HIVEP2: variants seen among roughly 807,000 people sequenced by gnomAD.
The protein encoded by HIVEP2 is HIVEP zinc finger 2, also known as transcription factor HIVEP2.
HIVEP2 carries 14 observed loss-of-function variants against 180.7 expected under a neutral mutation model. The observed-to-expected ratio is 0.08, with a 90% CI of 0.05 to 0.12. HIVEP2 has a LOEUF of 0.12. Ranked by LOEUF, HIVEP2 falls within the 10% of genes least tolerant of loss-of-function variation. HIVEP2 has a pLI of 1.00. For synonymous variants in HIVEP2, 1,184 were observed against 1,136.4 expected (o/e 1.04, Z -0.84); for missense variants, 2,579 against 3,008.5 (o/e 0.86, Z 3.34).
At chr6:142,940,543 T>C (rs1369681193) in intron 1 of HIVEP2, among the ~76,000 whole-genome samples, 1 of 152,218 alleles carries the variant, frequency 6.6e-6, no homozygotes, top group East Asian at 1.9e-4. Flanking sequence ...TCCTCACATA[T>C]GTCAGGTTGG....
chr6:142,926,731 C>A (rs1777820092), intron 1 of HIVEP2, among the ~76,000 whole-genome samples: 1 of 152,180 alleles, frequency 6.6e-6, no homozygotes, highest in Non-Finnish European at 1.5e-5. Context: ...TCCCCCGACA[C>A]GCTGGGGCCA....
At chr6:142,763,732 T>C (rs567296673) in intron 7 of HIVEP2, among the ~76,000 whole-genome samples, 1 of 152,340 alleles carries the variant, frequency 6.6e-6, no homozygotes, top group Non-Finnish European at 1.5e-5. Context: ...AAGGCTTGAT[T>C]GTGCAGAGGT....
intron 1 of HIVEP2, among the ~76,000 whole-genome samples, chr6:142,916,950 T>A (rs1477159506): frequency 2.0e-5 from 3 of 152,240 alleles, no homozygotes; most frequent in Non-Finnish European, 1.5e-5. Context: ...ATACATACAG[T>A]ATTTAATTTT....
At chr6:142,797,948 CTT>C (rs1267292985) in intron 2 of HIVEP2, among the ~76,000 whole-genome samples, 4 of 151,930 alleles carry the variant, frequency 2.6e-5, no homozygotes, top group Non-Finnish European at 5.9e-5. Context: ...TTGCCAGAAA[CTT>C]AGTGATTTTA....
intron 2 of HIVEP2, among the ~76,000 whole-genome samples, chr6:142,830,283 G>C (rs1775042777): frequency 6.6e-6 from 1 of 152,106 alleles, no homozygotes. Context: ...AAGTGCATGT[G>C]TTTGCGCGTT....
At chr6:142,794,664 C>T (rs1776238686) in intron 2 of HIVEP2, among the ~76,000 whole-genome samples, 1 of 152,152 alleles carries the variant, frequency 6.6e-6, no homozygotes, top group Admixed American at 6.5e-5. Context: ...CAGCAGCAGA[C>T]AAGGCAAATG....
chr6:142,857,009 G>A (rs12194370), intron 1 of HIVEP2, among the ~76,000 whole-genome samples: 20,618 of 152,154 alleles, frequency 0.14, 1,784 homozygotes, highest in Non-Finnish European at 0.2. Context: ...TGCCCAAATG[G>A]TCTCCTCTGT....
chr6:142,803,847 TCA>T (rs938630174), intron 2 of HIVEP2, among the ~76,000 whole-genome samples: 11 of 152,080 alleles, frequency 7.2e-5, no homozygotes, highest in Admixed American at 7.2e-4. Flanking sequence ...CATCACTCCT[TCA>T]CACACCCCTG....
chr6:142,865,395 A>T (rs1293423861), intron 1 of HIVEP2, among the ~76,000 whole-genome samples: 1 of 152,016 alleles, frequency 6.6e-6, no homozygotes, highest in African/African-American at 2.4e-5. Flanking sequence ...AAGACACATT[A>T]GGGTTATGCT....
At chr6:142,915,692 C>T (rs1021895523) in intron 1 of HIVEP2, among the ~76,000 whole-genome samples, 1 of 152,048 alleles carries the variant, frequency 6.6e-6, no homozygotes, top group African/African-American at 2.4e-5. Context: ...TTGAATCAGG[C>T]CTGTAAAAGT....
intron 1 of HIVEP2, among the ~76,000 whole-genome samples, chr6:142,895,737 T>C (rs917722261): frequency 2.4e-4 from 36 of 152,220 alleles, no homozygotes; most frequent in African/African-American, 8.7e-4. Context: ...CACTGTATTA[T>C]TTATTTCAAT....
chr6:142,818,624 GC>G (rs1439547621), intron 2 of HIVEP2, among the ~76,000 whole-genome samples: 1 of 149,170 alleles, frequency 6.7e-6, no homozygotes, highest in Non-Finnish European at 1.5e-5. Context: ...AGTCAAGATT[GC>G]ACAACTGCAT....
At position 142,773,156 on chromosome 6, in the gene HIVEP2, G is replaced by A. The variant is rs193196172; in HGVS notation, c.1583C>T (p.Pro528Leu). Reference protein sequence around the residue: ...LYPANFQGSNPVLLEAPVDSS... With the variant: ...LYPANFQGSNLVLLEAPVDSS... ...GTCTACAGGAGCTTCTAAGAGAACC[G>A]GGTTGCTGCCTTGGAAGTTTGCTGG... Residue 528 changes from proline (P) to leucine (L), a missense_variant, in exon 5 of 10, where the codon CCG (proline) becomes CTG (leucine). Pro to Leu is a moderately conservative substitution (Grantham distance 98). Around this residue, in one of 11 missense-constraint regions of HIVEP2, gnomAD observed 524 missense variants for 563.6 expected, o/e 0.93. Coordinates refer to ENST00000367603, the MANE Select transcript of HIVEP2 (RefSeq NM_006734.4). The A allele has an allele frequency of 5.2e-5, 84 of 1,614,182 alleles. No homozygotes were observed. Among genetic ancestry groups the A allele is most frequent in the Admixed American group, 4.3e-4 (26 of 60,022 alleles).
At chr6:142,822,394 A>G (rs897724211) in intron 2 of HIVEP2, among the ~76,000 whole-genome samples, 4 of 152,370 alleles carry the variant, frequency 2.6e-5, no homozygotes, top group Non-Finnish European at 5.9e-5. Flanking sequence ...GATATAGTGC[A>G]GGTCTAATAT....
intron 1 of HIVEP2, among the ~76,000 whole-genome samples, chr6:142,846,016 C>T (rs974299613): frequency 5.9e-5 from 9 of 152,246 alleles, no homozygotes; most frequent in African/African-American, 1.9e-4. Flanking sequence ...CAGGACATCC[C>T]TCCTGGCATC....
At chr6:142,889,083 T>TATACTTA (rs1472540722) in intron 1 of HIVEP2, among the ~76,000 whole-genome samples, 12 of 152,206 alleles carry the variant, frequency 7.9e-5, no homozygotes, top group Non-Finnish European at 1.0e-4. Flanking sequence ...GAGACTATGT[T>TATACTTA]ATACTTATTA....
chr6:142,864,584 A>G (rs1776088937), intron 1 of HIVEP2, among the ~76,000 whole-genome samples: 1 of 152,238 alleles, frequency 6.6e-6, no homozygotes, highest in Admixed American at 6.5e-5. Flanking sequence ...GAGTCTACAC[A>G]AGACACTTGT....
chr6:142,807,218 G>A (rs1371785937), intron 2 of HIVEP2, among the ~76,000 whole-genome samples: 1 of 152,142 alleles, frequency 6.6e-6, no homozygotes, highest in African/African-American at 2.4e-5. Context: ...CTGAGTAGAG[G>A]ACCTAGGAAC....
At chr6:142,915,908 C>T (rs1251093724) in intron 1 of HIVEP2, among the ~76,000 whole-genome samples, 2 of 152,156 alleles carry the variant, frequency 1.3e-5, no homozygotes, top group Admixed American at 6.5e-5. Context: ...CTCAACAAAT[C>T]CAAAAACAAA....
Sources: allele counts gnomAD v4.1 joint callset (sites outside exome capture counted in the v4.1 genomes callset), GRCh38; gene constraint gnomAD v4.1.1; regional missense constraint gnomAD v4.1.1; transcripts MANE v1.5; gene names NCBI Gene and HGNC (gene_info 2026-07-23, HGNC 2026-07-21).